GALNT18: variants seen among roughly 807,000 people sequenced by gnomAD.
The protein encoded by GALNT18 is polypeptide N-acetylgalactosaminyltransferase 18.
Under a neutral mutation model 69.5 loss-of-function variants are expected in GALNT18, and 44 were observed. That is an observed-to-expected ratio of 0.63 (90% CI 0.50 to 0.81). The LOEUF (loss-of-function observed/expected upper bound fraction) is 0.81, where lower values mean the gene tolerates loss of function less well. Ranked by LOEUF, GALNT18 falls within the 40% of genes least tolerant of loss-of-function variation. The pLI, the probability that GALNT18 is intolerant of heterozygous loss-of-function variation, is 0.00. For synonymous variants in GALNT18, 364 were observed against 318.2 expected (o/e 1.14, Z -1.53); for missense variants, 715 against 810.0 (o/e 0.88, Z 1.42).
chr11:11,405,908 C>A (rs1854578532), intron 3 of GALNT18, among the ~76,000 whole-genome samples: 1 of 152,212 alleles, frequency 6.6e-6, no homozygotes, highest in African/African-American at 2.4e-5. Flanking sequence ...CTTACTGCTG[C>A]ACTAGTCCTA....
rs1860180672 is a variant in GALNT18 at position 11,621,075 on chromosome 11, C to T, written c.235+284G>A. The stretch of plus-strand genomic sequence containing the variant: ...AGCAACCAGCCCAGAGTCACACGCA[C>T]ATTTGGACACGTGCGCAGCGCGCCC... On this transcript the variant is annotated intron_variant, in intron 1 of 10. Coordinates refer to ENST00000227756, the MANE Select transcript of GALNT18 (RefSeq NM_198516.3). The surrounding 1 kb of genome is among the most constrained non-coding windows in gnomAD (Gnocchi z 9.3). Among the ~76,000 whole-genome samples the T allele has an allele frequency of 6.6e-6, 1 of 152,192 alleles. No individual in the cohort carries two copies. The highest frequency in any genetic ancestry group is 2.1e-4 in the South Asian group (1 of 4,822).
Position 11,341,587 on chromosome 11 carries a change from A to C in GALNT18, c.1093-583T>G, listed in dbSNP as rs181103285. ...GGAAATGATATTAAACTTCTTAGCA[A>C]CCTTGGTGAATAGGAGATTGATCCG... On this transcript the variant is annotated intron_variant, in intron 6 of 10. Transcript: ENST00000227756. This position sits in a 1 kb window ranked among gnomAD's most constrained non-coding sequence, Gnocchi z 6.3. 2.6e-5 allele frequency among the ~76,000 whole-genome samples: 4 copies of C among 152,186 alleles called. No homozygotes were observed. Among genetic ancestry groups the C allele is most frequent in the African/African-American group, 7.2e-5 (3 of 41,454 alleles).
rs370067043 is a variant in GALNT18, at chr11:11,352,438, G to A, written c.1093-11434C>T. On this transcript the variant is annotated intron_variant, in intron 6 of 10. Transcript: ENST00000227756. ...CGTCCATGGAAAAATGGCTCCTTCC[G>A]AAAGATCATACTTGCCAGCATACAA... is the stretch of plus-strand genomic sequence containing the variant. The A allele has an allele frequency of 5.3e-5, 86 of 1,614,020 alleles. 1 individual carries two copies. In the East Asian group the frequency reaches 1.2e-3, roughly 22 times the overall value.
In GALNT18 at chr11:11,613,505, T is replaced by C. The variant is rs571962149; in HGVS notation, c.235+7854A>G. Reference sequence around the variant, plus strand: ...AAGGGTGGAGTAAGAATGAATGCAATGTGTTAGGAGGTGCATCCTCCTAGC... The same window carrying C: ...AAGGGTGGAGTAAGAATGAATGCAACGTGTTAGGAGGTGCATCCTCCTAGC... On this transcript the variant is annotated intron_variant, in intron 1 of 10. Coordinates refer to ENST00000227756, the MANE Select transcript of GALNT18 (RefSeq NM_198516.3). The surrounding 1 kb of genome is among the most constrained non-coding windows in gnomAD (Gnocchi z 4.2). Among the ~76,000 whole-genome samples the C allele has an allele frequency of 3.9e-5, 6 of 152,244 alleles. No homozygotes were observed. Among genetic ancestry groups the C allele is most frequent in the Non-Finnish European group, 7.3e-5 (5 of 68,038 alleles).
chr11:11,467,772 C>T (rs182154044), intron 1 of GALNT18, among the ~76,000 whole-genome samples: 239 of 152,308 alleles, frequency 1.6e-3, no homozygotes, highest in South Asian at 2.9e-3. Context: ...TTTGGGGCAT[C>T]TCTTTTGTAG....
chr11:11,512,463 C>A (rs889236785), intron 1 of GALNT18, among the ~76,000 whole-genome samples: 1 of 152,154 alleles, frequency 6.6e-6, no homozygotes, highest in Non-Finnish European at 1.5e-5. Context: ...TGTGGAAATT[C>A]TTTATTCTGA....
At position 11,314,262 on chromosome 11, in the gene GALNT18, C is replaced by T. The variant is rs1294834334; in HGVS notation, c.1512+12824G>A. 1.3e-5 allele frequency among the ~76,000 whole-genome samples: 2 copies of T among 152,190 alleles called. No individual in the cohort carries two copies. The highest frequency in any genetic ancestry group is 3.9e-4 in the East Asian group (2 of 5,192). ...GTGGAGCTGCTAATGACTGCTTCTC[C>T]CCAGCCTGCAGGAGTTTAATAAAAG... On this transcript the variant is annotated intron_variant, in intron 9 of 10. Transcript: ENST00000227756. This position sits in a 1 kb window ranked among gnomAD's most constrained non-coding sequence, Gnocchi z 5.2.
At chr11:11,334,183 G>T (rs1379075820) in intron 7 of GALNT18, among the ~76,000 whole-genome samples, 2 of 152,160 alleles carry the variant, frequency 1.3e-5, no homozygotes, top group Non-Finnish European at 2.9e-5. Context: ...TCACAAAAAT[G>T]GCTGCATTTA....
chr11:11,485,061 A>G (rs1169187118), intron 1 of GALNT18, among the ~76,000 whole-genome samples: 1 of 152,238 alleles, frequency 6.6e-6, no homozygotes, highest in East Asian at 1.9e-4. Context: ...AATCTGGAGG[A>G]GAACCTGTCA....
intron 1 of GALNT18, among the ~76,000 whole-genome samples, chr11:11,548,148 A>G (rs1858105200): frequency 1.3e-5 from 2 of 152,202 alleles, no homozygotes; most frequent in Admixed American, 6.5e-5. Flanking sequence ...ATCATTTCAT[A>G]TCACTGTGTG....
At chr11:11,593,436 AG>A (rs1200900936) in intron 1 of GALNT18, among the ~76,000 whole-genome samples, 1 of 152,196 alleles carries the variant, frequency 6.6e-6, no homozygotes, top group African/African-American at 2.4e-5. Flanking sequence ...AGTTTCTGAA[AG>A]GTACTATGAA....
At chr11:11,401,848 T>C (rs1854475118) in intron 3 of GALNT18, among the ~76,000 whole-genome samples, 2 of 152,194 alleles carry the variant, frequency 1.3e-5, no homozygotes, top group African/African-American at 4.8e-5. Context: ...AATAGATCCA[T>C]AAGCTCCGTT....
intron 1 of GALNT18, among the ~76,000 whole-genome samples, chr11:11,462,329 T>C (rs776626142): frequency 6.6e-6 from 1 of 150,460 alleles, no homozygotes; most frequent in Non-Finnish European, 1.5e-5. Flanking sequence ...CAGGCTGGAG[T>C]GCAGTGGCAT....
Position 11,494,937 on chromosome 11 carries a change from A to C in GALNT18, c.236-46001T>G, listed in dbSNP as rs1856841807. Among the ~76,000 whole-genome samples the C allele has an allele frequency of 6.6e-6, 1 of 152,130 alleles. No individual in the cohort carries two copies. The highest frequency in any genetic ancestry group is 1.5e-5 in the Non-Finnish European group (1 of 68,024). Reference sequence around the variant, plus strand: ...AATAACATGGAGTTATAAGCCAATCACATGCTCTGTGATTTGAGCATATAA... The same window carrying C: ...AATAACATGGAGTTATAAGCCAATCCCATGCTCTGTGATTTGAGCATATAA... On this transcript the variant is annotated intron_variant, in intron 1 of 10. Coordinates refer to ENST00000227756, the MANE Select transcript of GALNT18 (RefSeq NM_198516.3). The surrounding 1 kb of genome is among the most constrained non-coding windows in gnomAD (Gnocchi z 5.7).
At chr11:11,526,687 A>G (rs1362208282) in intron 1 of GALNT18, among the ~76,000 whole-genome samples, 1 of 152,110 alleles carries the variant, frequency 6.6e-6, no homozygotes, top group Non-Finnish European at 1.5e-5. Context: ...TGTCACCCTT[A>G]CATTGGGAAA....
At chr11:11,380,010 C>T (rs984823103) in intron 3 of GALNT18, among the ~76,000 whole-genome samples, 6 of 152,252 alleles carry the variant, frequency 3.9e-5, no homozygotes, top group African/African-American at 1.4e-4. Flanking sequence ...GAGCCCATGA[C>T]AGCCCTCACA....
chr11:11,587,819 C>T lies in GALNT18; in HGVS notation c.235+33540G>A, dbSNP rs1199095479. ...ATCTCTAGCCCCCACCCTTTCATTT[C>T]ATGAACCTCTTCTATGGTCCAAAGA... is the stretch of plus-strand genomic sequence containing the variant. On this transcript the variant is annotated intron_variant, in intron 1 of 10. Coordinates refer to ENST00000227756, the MANE Select transcript of GALNT18 (RefSeq NM_198516.3). The surrounding 1 kb of genome is among the most constrained non-coding windows in gnomAD (Gnocchi z 4.4). Among the ~76,000 whole-genome samples the T allele has an allele frequency of 6.6e-6, 1 of 151,986 alleles. No individual in the cohort carries two copies. The highest frequency in any genetic ancestry group is 2.4e-5 in the African/African-American group (1 of 41,360).
chr11:11,422,341 C>T (rs1266837490), intron 3 of GALNT18, among the ~76,000 whole-genome samples: 1 of 152,190 alleles, frequency 6.6e-6, no homozygotes, highest in African/African-American at 2.4e-5. Context: ...AATAGGAGAA[C>T]CCAGGACTCA....
In GALNT18 at chr11:11,404,956, G is replaced by A. The variant is rs1226284308; in HGVS notation, c.596-25692C>T. On this transcript the variant is annotated intron_variant, in intron 3 of 10. Transcript: ENST00000227756. The surrounding 1 kb of genome is among the most constrained non-coding windows in gnomAD (Gnocchi z 4.5). The stretch of plus-strand genomic sequence containing the variant: ...GCATGAAAGGGGTCCCGCCTGTCAT[G>A]GGGGAACAGATGAAGCAACAGAGCT... Among the ~76,000 whole-genome samples, 1 of 152,144 alleles carries A rather than the reference G, an allele frequency of 6.6e-6. No homozygotes were observed. Among genetic ancestry groups the A allele is most frequent in the Non-Finnish European group, 1.5e-5 (1 of 68,032 alleles).
Sources: allele counts gnomAD v4.1 joint callset (sites outside exome capture counted in the v4.1 genomes callset), GRCh38; gene constraint gnomAD v4.1.1; non-coding constraint Gnocchi (gnomAD v3.1); transcripts MANE v1.5; gene names NCBI Gene and HGNC (gene_info 2026-07-23, HGNC 2026-07-21).